The following AHCTF1 variants were observed in gnomAD, a reference collection of about 807,000 sequenced individuals.
AHCTF1 encodes protein ELYS.
In AHCTF1, 24 loss-of-function variants were observed where a neutral mutation model predicts 248.4. That is an observed-to-expected ratio of 0.10 (90% CI 0.07 to 0.14). AHCTF1 has a LOEUF of 0.14. Among genes scored for constraint, AHCTF1 ranks in the 10% least tolerant of loss-of-function variants. The pLI is 1.00. For missense variants in AHCTF1, 2,206 were observed against 2,636.2 expected, an observed-to-expected ratio of 0.84 and a Z score of 3.57; for synonymous variants, 786 against 929.8, an observed-to-expected ratio of 0.85 and a Z score of 2.81.
In AHCTF1 at chr1:246,930,659, C is replaced by T. The variant is rs556437164; in HGVS notation, c.-8+919G>A. The stretch of plus-strand genomic sequence containing the variant: ...AACTCCTGGGTTCAAGCGATCCTCC[C>T]GCCTCAGCCTCTCAAAGTGCTGGGA... On this transcript the variant is annotated intron_variant, in intron 1 of 35. Coordinates refer to ENST00000648844, the MANE Select transcript of AHCTF1 (RefSeq NM_001323342.2). Among the ~76,000 whole-genome samples the T allele has an allele frequency of 3.0e-4, 46 of 152,102 alleles. 1 individual carries two copies. In the East Asian group the frequency reaches 8.5e-3, roughly 28 times the overall value.
intron 31 of AHCTF1, among the ~76,000 whole-genome samples, chr1:246,853,617 G>A (rs892244501): frequency 1.3e-5 from 2 of 151,452 alleles, no homozygotes; most frequent in East Asian, 1.9e-4. Flanking sequence ...GTGACTACCA[G>A]ACAACCAGCT....
intron 1 of AHCTF1, among the ~76,000 whole-genome samples, chr1:246,927,900 TGAGG>T (rs1667056184): frequency 6.6e-6 from 1 of 152,110 alleles, no homozygotes; most frequent in Non-Finnish European, 1.5e-5. Context: ...CTTGGGAGGC[TGAGG>T]CAGGAGAATC....
chr1:246,867,893 C>T, intron 24 of AHCTF1, 82 bp from the exon 25 acceptor site: 3 of 455,152 alleles, frequency 6.6e-6, no homozygotes, highest in Admixed American at 5.3e-5. Context: ...ATGATTACAC[C>T]CCCCCCCCCA....
chr1:246,882,362 T>C (rs1663508259), intron 21 of AHCTF1, among the ~76,000 whole-genome samples: 1 of 152,174 alleles, frequency 6.6e-6, no homozygotes, highest in South Asian at 2.1e-4. Context: ...ATGGATCACA[T>C]TATGTGATTA....
At position 246,862,116 on chromosome 1, in the gene AHCTF1, C is replaced by A; in HGVS notation, c.3578G>T (p.Gly1193Val). 2 of 1,607,010 alleles carry A rather than the reference C, an allele frequency of 1.2e-6. No homozygotes were observed. The highest frequency in any genetic ancestry group is 1.7e-6 in the Non-Finnish European group (2 of 1,177,910). ...GGACTGAGGAGTGAACTCAGAAAAT[C>A]CAGAAGTAGTAACTGACATGGCCAA... The part of the protein sequence containing the change: ...KSLAMSVTTS[G>V]FSEFTPQSIL... The change falls in exon 28 of 36, where the codon GGA becomes GTA. Residue 1193 changes from glycine to valine, a missense_variant. Transcript: ENST00000648844.
intron 33 of AHCTF1, among the ~76,000 whole-genome samples, chr1:246,845,379 A>G (rs187662148): frequency 6.6e-6 from 1 of 152,256 alleles, no homozygotes; most frequent in Non-Finnish European, 1.5e-5. Context: ...AAAAAGAAAA[A>G]TAGAGTTGAT....
chr1:246,843,401 A>C (rs866553268), intron 34 of AHCTF1, among the ~76,000 whole-genome samples: 1 of 152,386 alleles, frequency 6.6e-6, no homozygotes, highest in African/African-American at 2.4e-5. Context: ...GACTCATGGC[A>C]GATAATTCAA....
In AHCTF1 at chr1:246,888,182, A is replaced by T. The variant is rs771151665; in HGVS notation, c.2320T>A (p.Ser774Thr). 5 of 1,613,898 alleles carry T rather than the reference A, an allele frequency of 3.1e-6. No homozygotes were observed. In the African/African-American group the frequency reaches 4.0e-5, roughly 13 times the overall value. ...GATAAAACTTAAAAGGATACAATAGAGTGTTTGGCTGCTTCAGTAACGCCG... is the reference window on the plus strand; with the variant it reads ...GATAAAACTTAAAAGGATACAATAGTGTGTTTGGCTGCTTCAGTAACGCCG... ...LDGVTEAAKH[S>T]ITIYLLLDIM... Residue 774 changes from serine to threonine, a missense_variant, in exon 19 of 36, where the codon TCT becomes ACT. Physicochemically the swap from Ser to Thr is moderately conservative, Grantham distance 58. Coordinates refer to ENST00000648844, the MANE Select transcript of AHCTF1 (RefSeq NM_001323342.2).
intron 1 of AHCTF1, among the ~76,000 whole-genome samples, chr1:246,920,142 CAAAAAAAAAAAAAAA>C (rs68194249): frequency 9.8e-5 from 4 of 40,782 alleles, no homozygotes; most frequent in African/African-American, 3.5e-4. Context: ...CTGTCCCCCG[CAAAAAAAAAAAAAAA>C]AAAAAAAAAA....
At chr1:246,904,712 A>G (rs1665260898) in intron 6 of AHCTF1, among the ~76,000 whole-genome samples, 1 of 152,248 alleles carries the variant, frequency 6.6e-6, no homozygotes, top group Non-Finnish European at 1.5e-5. Flanking sequence ...CGAAGCATGC[A>G]GTAAGTGTTA....
At chr1:246,848,784 A>G (rs1465207224) in intron 33 of AHCTF1, among the ~76,000 whole-genome samples, 8 of 151,952 alleles carry the variant, frequency 5.3e-5, no homozygotes. Flanking sequence ...CAGGGGGCAC[A>G]TGTTGCAGTG....
At position 246,851,151 on chromosome 1, in the gene AHCTF1, T is replaced by C. The variant is rs1399922733; in HGVS notation, c.4855A>G (p.Asn1619Asp). 3 of 1,613,946 alleles carry C rather than the reference T, an allele frequency of 1.9e-6. No individual in the cohort carries two copies. The African/African-American group carries it at 4.0e-5, about 22-fold the overall frequency. ...ACAAGTTTTTCTTCAGTTGCTGTGT[T>C]AGCTGCTTTAGGTAACACATCAGAT... Reference protein sequence around the residue: ...ASSDVLPKAANTATEEKLVCS... With the variant: ...ASSDVLPKAADTATEEKLVCS... The change falls in exon 33 of 36, where the codon AAC (asparagine) becomes GAC (aspartate). Residue 1619 changes from asparagine to aspartate, a missense_variant. Physicochemically the swap from Asn to Asp is conservative, Grantham distance 23 (BLOSUM62 1). Coordinates refer to ENST00000648844, the MANE Select transcript of AHCTF1 (RefSeq NM_001323342.2).
At position 246,894,740 on chromosome 1, in the gene AHCTF1, T is replaced by C. The variant is rs759316810; in HGVS notation, c.1723A>G (p.Asn575Asp). ...ACAAAGCGCAAATTAGTGGCAGAATTTGGTTGTTCTTATTTGTAAATACAA... is the reference window on the plus strand; with the variant it reads ...ACAAAGCGCAAATTAGTGGCAGAATCTGGTTGTTCTTATTTGTAAATACAA... Reference protein sequence around the residue: ...IRRWITEEQPNSATNLRFVLE... With the variant: ...IRRWITEEQPDSATNLRFVLE... The change falls in exon 14 of 36, where the codon AAT becomes GAT. Residue 575 changes from asparagine to aspartate, a missense_variant. This residue lies in a region of AHCTF1 where 650 missense variants were observed against 870.8 expected (regional missense o/e 0.75). Coordinates refer to ENST00000648844, the MANE Select transcript of AHCTF1 (RefSeq NM_001323342.2). 5.6e-6 allele frequency: 9 copies of C among 1,613,676 alleles called. No individual in the cohort carries two copies. The highest frequency in any genetic ancestry group is 6.8e-6 in the Non-Finnish European group (8 of 1,179,710).
At chr1:246,931,332 C>T in intron 1 of AHCTF1, 1 of 1,545,306 alleles carries the variant, frequency 6.5e-7, no homozygotes, top group African/African-American at 1.4e-5. Flanking sequence ...CGCCATGTGC[C>T]GCCGCTCCTC....
intron 24 of AHCTF1, among the ~76,000 whole-genome samples, chr1:246,872,051 C>CAAAAAAAAAAAAAAAAAAAAAAAAAAA (rs753977798): frequency 1.2e-5 from 1 of 83,732 alleles, no homozygotes; most frequent in Non-Finnish European, 2.7e-5. Context: ...CTATTAATGA[C>CAAAAAAAAAAAAAAAAAAAAAAAAAAA]AAAAAAAAAA....
chr1:246,858,316 C>G (rs991313147), intron 29 of AHCTF1, among the ~76,000 whole-genome samples: 18 of 152,114 alleles, frequency 1.2e-4, no homozygotes, highest in Non-Finnish European at 2.9e-5. Flanking sequence ...TAACCTCTCG[C>G]TTTTCACTTT....
intron 8 of AHCTF1, among the ~76,000 whole-genome samples, chr1:246,902,157 G>A (rs528629758): frequency 9.2e-5 from 14 of 152,270 alleles, no homozygotes; most frequent in African/African-American, 3.4e-4. Context: ...AGGAAAAAGC[G>A]ATGACACTAA....
chr1:246,896,478 T>A (rs567531980), intron 12 of AHCTF1, among the ~76,000 whole-genome samples: 2 of 152,288 alleles, frequency 1.3e-5, no homozygotes, highest in Admixed American at 6.5e-5. Context: ...TTTGACCCAT[T>A]TATATGAAAT....
chr1:246,925,309 CA>C (rs1666853183), intron 1 of AHCTF1, among the ~76,000 whole-genome samples: 1 of 152,082 alleles, frequency 6.6e-6, no homozygotes, highest in Non-Finnish European at 1.5e-5. Flanking sequence ...TCACAAAATC[CA>C]AAGTCCAAAG....
Sources: allele counts gnomAD v4.1 joint callset (sites outside exome capture counted in the v4.1 genomes callset), GRCh38; gene constraint gnomAD v4.1.1; regional missense constraint gnomAD v4.1.1; transcripts MANE v1.5; gene names NCBI Gene and HGNC (gene_info 2026-07-23, HGNC 2026-07-21).